Variants in DTNBP1 observed in about 807,000 individuals in gnomAD.
DTNBP1 encodes the protein dysbindin.
DTNBP1 carries 35 observed loss-of-function variants against 42.8 expected under a neutral mutation model. The ratio of observed to expected loss-of-function variants is 0.82; its 90% CI spans 0.63 to 1.09. The LOEUF (loss-of-function observed/expected upper bound fraction) is 1.09. DTNBP1 is among the 50% of genes least tolerant of loss of function. The pLI is 0.00. For missense variants in DTNBP1, 457 were observed against 424.2 expected, an observed-to-expected ratio of 1.08 and a Z score of -0.68; for synonymous variants, 171 against 162.2, an observed-to-expected ratio of 1.05 and a Z score of -0.41.
At chr6:15,585,810 A>G in intron 7 of DTNBP1, 1 of 1,512,466 alleles carries the variant, frequency 6.6e-7, no homozygotes, top group Non-Finnish European at 8.8e-7. Flanking sequence ...TGGTCAAGTG[A>G]AGCCTCCAGT....
intron 7 of DTNBP1, among the ~76,000 whole-genome samples, chr6:15,586,518 C>A (rs1267814357): frequency 6.7e-6 from 1 of 149,856 alleles, no homozygotes; most frequent in Non-Finnish European, 1.5e-5. Flanking sequence ...ATATACTCAA[C>A]TTCCTCCCAA....
intron 4 of DTNBP1, among the ~76,000 whole-genome samples, chr6:15,634,576 C>G (rs182427312): frequency 6.6e-6 from 1 of 152,306 alleles, no homozygotes; most frequent in Non-Finnish European, 1.5e-5. Flanking sequence ...CCTTGGCCTC[C>G]CAAAGTGCTG....
chr6:15,534,485 C>T (rs1032329814), intron 7 of DTNBP1, among the ~76,000 whole-genome samples: 4 of 151,948 alleles, frequency 2.6e-5, no homozygotes, highest in Non-Finnish European at 5.9e-5. Context: ...AACCGTAAAA[C>T]CCCATCTCTA....
At chr6:15,605,013 T>C (rs893082313) in intron 6 of DTNBP1, among the ~76,000 whole-genome samples, 4 of 152,182 alleles carry the variant, frequency 2.6e-5, no homozygotes, top group Non-Finnish European at 5.9e-5. Context: ...AAGACTATGT[T>C]AAAATTATGA....
At chr6:15,558,710 C>T (rs977301449) in intron 7 of DTNBP1, among the ~76,000 whole-genome samples, 2 of 152,192 alleles carry the variant, frequency 1.3e-5, no homozygotes, top group African/African-American at 2.4e-5. Context: ...CTGAATAAAA[C>T]ACTGAAATAA....
intron 5 of DTNBP1, among the ~76,000 whole-genome samples, chr6:15,620,656 C>T (rs1158481606): frequency 1.3e-5 from 2 of 152,154 alleles, no homozygotes; most frequent in Non-Finnish European, 2.9e-5. Flanking sequence ...ATTTAAAAGG[C>T]TGTTTCATTT....
At chr6:15,579,688 C>T (rs1366215358) in intron 7 of DTNBP1, 1 of 259,612 alleles carries the variant, frequency 3.9e-6, no homozygotes, top group Non-Finnish European at 7.9e-6. Flanking sequence ...GCCTGTAATC[C>T]CAGCTATTTG....
intron 5 of DTNBP1, among the ~76,000 whole-genome samples, chr6:15,624,701 G>A (rs948690169): frequency 3.9e-5 from 6 of 152,044 alleles, no homozygotes; most frequent in African/African-American, 1.4e-4. Context: ...AAATATAATC[G>A]GTTACCATTT....
intron 6 of DTNBP1, among the ~76,000 whole-genome samples, chr6:15,605,162 T>G (rs1757970286): frequency 6.6e-6 from 1 of 152,194 alleles, no homozygotes; most frequent in Admixed American, 6.5e-5. Context: ...TCTAGAAACT[T>G]GGAAATAAGA....
intron 7 of DTNBP1, chr6:15,585,728 TCTGA>T (rs770964166): frequency 6.5e-7 from 1 of 1,535,202 alleles, no homozygotes; most frequent in South Asian, 1.2e-5. Flanking sequence ...CAGGGATCCC[TCTGA>T]CTATTTTCGG....
chr6:15,656,609 G>A (rs1298996622), intron 1 of DTNBP1, among the ~76,000 whole-genome samples: 4 of 152,218 alleles, frequency 2.6e-5, no homozygotes, highest in African/African-American at 4.8e-5. Flanking sequence ...TTAGCCAGGC[G>A]TGGTGGTGTA....
intron 8 of DTNBP1, among the ~76,000 whole-genome samples, chr6:15,531,755 T>A (rs1772844559): frequency 6.6e-6 from 1 of 152,164 alleles, no homozygotes. Flanking sequence ...TGCCTCAGCC[T>A]CCTGAGTAGC....
At chr6:15,599,757 T>C (rs1776654419) in intron 6 of DTNBP1, among the ~76,000 whole-genome samples, 1 of 152,234 alleles carries the variant, frequency 6.6e-6, no homozygotes, top group Non-Finnish European at 1.5e-5. Flanking sequence ...GGTGTACTAG[T>C]GTTTAATGAC....
At chr6:15,624,683 C>T (rs541609468) in intron 5 of DTNBP1, among the ~76,000 whole-genome samples, 2 of 152,258 alleles carry the variant, frequency 1.3e-5, no homozygotes, top group East Asian at 3.9e-4. Flanking sequence ...TAGGGGGACC[C>T]TGTGACTAAA....
chr6:15,627,362 T>C lies in DTNBP1; in HGVS notation c.336A>G (p.Glu112=). 5.0e-6 allele frequency: 8 copies of C among 1,613,790 alleles called. No homozygotes were observed. The highest frequency in any genetic ancestry group is 5.9e-6 in the Non-Finnish European group (7 of 1,179,924). The change falls in exon 5 of 10, where the codon GAA becomes GAG. Residue 112 remains glutamate, a synonymous_variant. Coordinates refer to ENST00000344537, the MANE Select transcript of DTNBP1 (RefSeq NM_032122.5). ...QQLPALIADL[E]SMTANLTHLE... Reference sequence around the variant, plus strand: ...ACTTACTCAGATTTGCTGTCATGGATTCTAAGTCTGCGATTAAAGCTGGGA... The same window carrying C: ...ACTTACTCAGATTTGCTGTCATGGACTCTAAGTCTGCGATTAAAGCTGGGA...
At position 15,539,326 on chromosome 6, in the gene DTNBP1, G is replaced by A. The variant is rs371845868; in HGVS notation, c.512-5931C>T. Among the ~76,000 whole-genome samples the A allele has an allele frequency of 3.7e-4, 57 of 152,270 alleles. 1 individual carries two copies. Among genetic ancestry groups the A allele is most frequent in the South Asian group, 6.2e-4 (3 of 4,824 alleles). On this transcript the variant is annotated intron_variant, in intron 7 of 9. Coordinates refer to ENST00000344537, the MANE Select transcript of DTNBP1 (RefSeq NM_032122.5). ...GCTACCTCATCCCACATGTGTTTAC[G>A]TGAAGACGGTCTGCCACAGTGGGAA...
chr6:15,626,082 C>T (rs965201988), intron 5 of DTNBP1, among the ~76,000 whole-genome samples: 6 of 152,200 alleles, frequency 3.9e-5, no homozygotes, highest in Non-Finnish European at 8.8e-5. Context: ...GAGCTCCCAT[C>T]CCACTGCCTC....
Position 15,583,177 on chromosome 6 carries a change from T to C in DTNBP1, c.511+9882A>G, listed in dbSNP as rs1285311910. On this transcript the variant is annotated intron_variant, in intron 7 of 9. Transcript: ENST00000344537. ...TAAATTTTTTTGTAGAGCGGGGGTC[T>C]CATTATGTTACCCTGGGCTGGTGTC... Among the ~76,000 whole-genome samples the C allele has an allele frequency of 2.0e-5, 3 of 152,122 alleles. No homozygotes were observed. The East Asian group carries it at 5.8e-4, about 29-fold the overall frequency.
chr6:15,561,408 A>G (rs551685972), intron 7 of DTNBP1, among the ~76,000 whole-genome samples: 2 of 152,328 alleles, frequency 1.3e-5, no homozygotes, highest in African/African-American at 2.4e-5. Flanking sequence ...TTAACTCAAT[A>G]TTTTATTAAA....
Sources: gnomAD v4.1 joint callset for allele counts (sites outside exome capture counted in the v4.1 genomes callset) on GRCh38, gnomAD v4.1.1 for gene constraint, MANE v1.5 for transcripts, NCBI Gene and HGNC (gene_info 2026-07-23, HGNC 2026-07-21) for gene names.